TMEM154: variants seen among roughly 807,000 people sequenced by gnomAD.
TMEM154 encodes the protein transmembrane protein 154.
In TMEM154, 27 loss-of-function variants were observed where a neutral mutation model predicts 24.5. That is an observed-to-expected ratio of 1.10 (90% CI 0.81 to 1.52). The LOEUF (loss-of-function observed/expected upper bound fraction) is 1.52. Ranked by LOEUF, TMEM154 falls within the 40% of genes most tolerant of loss-of-function variation. TMEM154 has a pLI of 0.00. For synonymous variants in TMEM154, 67 were observed against 76.8 expected, an observed-to-expected ratio of 0.87 and a Z score of 0.67; for missense variants, 228 against 213.4, an observed-to-expected ratio of 1.07 and a Z score of -0.43.
chr4:152,643,497 C>T (rs1171458230), intron 4 of TMEM154, among the ~76,000 whole-genome samples: 1 of 152,236 alleles, frequency 6.6e-6, no homozygotes, highest in Non-Finnish European at 1.5e-5. Context: ...GGGTGAGGCC[C>T]TTCCGGGGAG....
In TMEM154 at chr4:152,643,076, G is replaced by T; in HGVS notation, c.478+12C>A. 2 of 1,603,602 alleles carry T rather than the reference G, an allele frequency of 1.2e-6. No individual in the cohort carries two copies. The highest frequency in any genetic ancestry group is 1.7e-6 in the Non-Finnish European group (2 of 1,175,522). On this transcript the variant is annotated intron_variant, in intron 5 of 6. Coordinates refer to ENST00000304385, the MANE Select transcript of TMEM154 (RefSeq NM_152680.3). ...GAGGAAAGAAAAAAAACAACTTTAG[G>T]TTACCACATACCATTTCTATTCATG...
In TMEM154 at chr4:152,628,372, G is replaced by A; in HGVS notation, c.*174C>T. 1 of 1,091,628 alleles carries A rather than the reference G, an allele frequency of 9.2e-7. No homozygotes were observed. Among genetic ancestry groups the A allele is most frequent in the East Asian group, 2.4e-5 (1 of 41,740 alleles). The allele number at this position is 1,091,628 out of a possible 1,614,324, so 67.6% of individuals were successfully genotyped here. On this transcript the variant is annotated 3_prime_UTR_variant, in exon 7 of 7. Transcript: ENST00000304385. ...ACTTCTCAATTGCACATTCTTCCAA[G>A]TGCAAGTGATGCCATCATTAGGAAG...
In TMEM154 at chr4:152,624,996, A is replaced by G. The variant is rs1304641698; in HGVS notation, c.*3550T>C. On this transcript the variant is annotated 3_prime_UTR_variant, in exon 7 of 7. Transcript: ENST00000304385. ...AGGATTTCAGCAGTGTCTTCCCAGC[A>G]TGAAACCATGTCTTATCACTCCACC... 1 of 152,274 alleles carries G rather than the reference A, an allele frequency of 6.6e-6. No individual in the cohort carries two copies. The highest frequency in any genetic ancestry group is 1.5e-5 in the Non-Finnish European group (1 of 68,048). The allele number at this position is 152,274 out of a possible 1,614,324, so 9.4% of individuals were successfully genotyped here. A position where few individuals can be genotyped will look rare whatever the true frequency, so the allele number is the denominator to read the frequency against.
rs775191045 is a variant in TMEM154 at position 152,628,042 on chromosome 4, T to C, written c.*504A>G. 43 of 167,222 alleles carry C rather than the reference T, an allele frequency of 2.6e-4. No homozygotes were observed. Among genetic ancestry groups the C allele is most frequent in the Non-Finnish European group, 5.2e-4 (40 of 76,454 alleles). The allele number at this position is 167,222 out of a possible 1,614,324, so 10.4% of individuals were successfully genotyped here. A position where few individuals can be genotyped will look rare whatever the true frequency, so the allele number is the denominator to read the frequency against. On this transcript the variant is annotated 3_prime_UTR_variant, in exon 7 of 7. Transcript: ENST00000304385. ...TGTGTTTGGTGTCTTTTCCATGACA[T>C]AACACTCCTCGAGAAAAGTTCCTGC... is the stretch of plus-strand genomic sequence containing the variant.
intron 5 of TMEM154, 24 bp from the exon 6 acceptor site, chr4:152,641,009 C>T (rs760952185): frequency 2.5e-6 from 4 of 1,598,986 alleles, no homozygotes; most frequent in East Asian, 2.3e-5. Context: ...AAAGCAAACT[C>T]ATTGTTAGTT....
At chr4:152,664,958 G>C (rs1434426698) in intron 1 of TMEM154, among the ~76,000 whole-genome samples, 1 of 152,094 alleles carries the variant, frequency 6.6e-6, no homozygotes, top group Non-Finnish European at 1.5e-5. Context: ...ATTAGCATTA[G>C]AAGAAGGAGA....
At chr4:152,646,482 AT>A (rs1441938376) in intron 3 of TMEM154, 1 of 156,788 alleles carries the variant, frequency 6.4e-6, no homozygotes, top group African/African-American at 2.4e-5. Flanking sequence ...AGGAAGACCA[AT>A]TACTTGTCCT....
chr4:152,623,289 TTACA>T lies in TMEM154; in HGVS notation c.*5253_*5256del, dbSNP rs933414852. ...AAGTCAAACACAGTGTTTTTTTTTT[TTACA>T]TAATTTTCAGTTAACTTTAAATACA... On this transcript the variant is annotated 3_prime_UTR_variant, in exon 7 of 7. Transcript: ENST00000304385. The T allele has an allele frequency of 7.7e-4, 117 of 152,268 alleles. No individual in the cohort carries two copies. Among genetic ancestry groups the T allele is most frequent in the African/African-American group, 2.7e-3 (113 of 41,548 alleles). The allele number at this position is 152,268 out of a possible 1,614,324, so 9.4% of individuals were successfully genotyped here. A position where few individuals can be genotyped will look rare whatever the true frequency, so the allele number is the denominator to read the frequency against.
At chr4:152,653,090 T>C (rs1271205430) in intron 1 of TMEM154, among the ~76,000 whole-genome samples, 163 bp from the exon 2 acceptor site, 1 of 152,184 alleles carries the variant, frequency 6.6e-6, no homozygotes. Context: ...TTAACATAAA[T>C]GAAGCTCAAG....
At position 152,643,083 on chromosome 4, in the gene TMEM154, C is replaced by T; in HGVS notation, c.478+5G>A. ...GAAAAAAAACAACTTTAGGTTACCA[C>T]ATACCATTTCTATTCATGCTGTTCA... On this transcript the variant is annotated splice_donor_5th_base_variant and intron_variant, in intron 5 of 6. Transcript: ENST00000304385. The T allele has an allele frequency of 6.2e-7, 1 of 1,609,978 alleles. No individual in the cohort carries two copies.
chr4:152,679,841 C>T (rs1358394756), intron 1 of TMEM154, 29 bp downstream of exon 1: 2 of 1,595,646 alleles, frequency 1.3e-6, no homozygotes, highest in Non-Finnish European at 1.7e-6. Flanking sequence ...GATCCTCCTT[C>T]CCAGGAGTAG....
chr4:152,644,936 C>A lies in TMEM154; in HGVS notation c.365-494G>T, dbSNP rs1316305606. 2.0e-5 allele frequency among the ~76,000 whole-genome samples: 3 copies of A among 152,192 alleles called. No homozygotes were observed. The East Asian group carries it at 5.8e-4, about 29-fold the overall frequency. The stretch of plus-strand genomic sequence containing the variant: ...CCTTGGAATTTTCCTTTTACCCCTG[C>A]TCTTGGCATGGCTGGATCCCTCACA... On this transcript the variant is annotated intron_variant, in intron 3 of 6. Coordinates refer to ENST00000304385, the MANE Select transcript of TMEM154 (RefSeq NM_152680.3).
Position 152,652,667 on chromosome 4 carries a change from C to T in TMEM154, c.325G>A (p.Glu109Lys), listed in dbSNP as rs558904252. The T allele has an allele frequency of 6.2e-7, 1 of 1,613,198 alleles. No individual in the cohort carries two copies. The highest frequency in any genetic ancestry group is 8.5e-7 in the Non-Finnish European group (1 of 1,179,682). Residue 109 changes from glutamate to lysine, a missense_variant and splice_region_variant, in exon 2 of 7, where the codon GAA (glutamate) becomes AAA (lysine). Transcript: ENST00000304385. ...TYYKRKRTKQ[E>K]PSSQGSQSAL... The stretch of plus-strand genomic sequence containing the variant: ...AAATGGAAATACACCAAATATTTAC[C>T]TTGTTTAGTTCTTTTTCTTTTATAG...
rs1360149944 is a variant in TMEM154 at position 152,622,267 on chromosome 4, C to G, written c.*6279G>C. On this transcript the variant is annotated 3_prime_UTR_variant, in exon 7 of 7. Coordinates refer to ENST00000304385, the MANE Select transcript of TMEM154 (RefSeq NM_152680.3). ...AAGTCTACTTAATTTTTAGGTTAGACAATTTTATACAAAGCAGGCCCCTTT... is the reference window on the plus strand; with the variant it reads ...AAGTCTACTTAATTTTTAGGTTAGAGAATTTTATACAAAGCAGGCCCCTTT... 1 of 152,112 alleles carries G rather than the reference C, an allele frequency of 6.6e-6. No homozygotes were observed. Among genetic ancestry groups the G allele is most frequent in the Non-Finnish European group, 1.5e-5 (1 of 68,016 alleles). 9.4% of individuals were successfully genotyped at this position (152,112 alleles called of 1,614,324 possible). A position where few individuals can be genotyped will look rare whatever the true frequency, so the allele number is the denominator to read the frequency against.
chr4:152,628,580 AAAAAAAAAAAAACAAAAAAAAC>A lies in TMEM154; in HGVS notation c.537-41_537-20del. The A allele has an allele frequency of 1.8e-6, 2 of 1,094,316 alleles. No homozygotes were observed. The highest frequency in any genetic ancestry group is 1.2e-6 in the Non-Finnish European group (1 of 835,774). The allele number at this position is 1,094,316 out of a possible 1,614,324, so 67.8% of individuals were successfully genotyped here. On this transcript the variant is annotated intron_variant, in intron 6 of 6. Transcript: ENST00000304385. The stretch of plus-strand genomic sequence containing the variant: ...ACTGTCACTGTAAAAAAAAAAAAAA[AAAAAAAAAAAAACAAAAAAAAC>A]ACACACACACACACAAAACAGTAAT...
chr4:152,658,187 A>G (rs1225160907), intron 1 of TMEM154, among the ~76,000 whole-genome samples: 1 of 152,220 alleles, frequency 6.6e-6, no homozygotes, highest in Non-Finnish European at 1.5e-5. Context: ...CTGAATGACC[A>G]TTGAGTCAAG....
chr4:152,638,886 C>A (rs35300841), intron 6 of TMEM154, among the ~76,000 whole-genome samples: 9,099 of 152,194 alleles, frequency 0.06, 313 homozygotes, highest in Non-Finnish European at 0.076. Flanking sequence ...TAGACCTTCC[C>A]TTTTAAAACA....
chr4:152,662,361 G>A (rs972292626), intron 1 of TMEM154, among the ~76,000 whole-genome samples: 2 of 152,118 alleles, frequency 1.3e-5, no homozygotes, highest in Admixed American at 1.3e-4. Context: ...GGATGTCAAA[G>A]GGAGGAAAGT....
chr4:152,649,382 A>G (rs894419567), intron 3 of TMEM154, among the ~76,000 whole-genome samples: 1 of 152,232 alleles, frequency 6.6e-6, no homozygotes, highest in Admixed American at 6.5e-5. Flanking sequence ...CTAGCACGTG[A>G]TGCTCCTTGA....
Sources: allele counts gnomAD v4.1 joint callset (sites outside exome capture counted in the v4.1 genomes callset), GRCh38; gene constraint gnomAD v4.1.1; transcripts MANE v1.5; gene names NCBI Gene and HGNC (gene_info 2026-07-23, HGNC 2026-07-21).